Variants in CFAP47 observed in about 807,000 individuals in gnomAD.
CFAP47 encodes the protein cilia- and flagella-associated protein 47.
CFAP47 carries 29 observed loss-of-function variants against 148.1 expected under a neutral mutation model. That is an observed-to-expected ratio of 0.20 (90% confidence interval 0.15 to 0.27). CFAP47 has a LOEUF of 0.27. Among genes scored for constraint, CFAP47 ranks in the 10% least tolerant of loss-of-function variants. CFAP47 has a pLI of 1.00. For synonymous variants in CFAP47, 664 were observed against 577.3 expected (o/e 1.15, Z -2.15); for missense variants, 1,872 against 1,697.5 (o/e 1.10, Z -1.81).
chrX:36,229,555 GA>G (rs782301253), intron 46 of CFAP47, among the ~76,000 whole-genome samples: 1 of 111,264 alleles, frequency 9.0e-6, no homozygotes, highest in South Asian at 3.8e-4. Context: ...GACATAGAAA[GA>G]ACATGTAGTC....
At chrX:36,363,660 T>C (rs1029221228) in intron 61 of CFAP47, among the ~76,000 whole-genome samples, 8 of 112,011 alleles carry the variant, frequency 7.1e-5, no homozygotes, top group African/African-American at 2.6e-4. Context: ...TGTTCTTTTT[T>C]GTAGGCAAGG....
At chrX:36,312,804 C>G (rs1394705766) in intron 56 of CFAP47, among the ~76,000 whole-genome samples, 1 of 111,600 alleles carries the variant, frequency 9.0e-6, no homozygotes, top group African/African-American at 3.3e-5. Flanking sequence ...CTCACTTGCT[C>G]TTGGGCAAAT....
chrX:35,951,858 GAAA>G lies in CFAP47; in HGVS notation c.944_946del (p.Lys315del). ...GCTTTAAATAATCTCACCTACATAAGAAAAATAAAGAACATAGATACTACTATC... is the reference window on the plus strand; with the variant it reads ...GCTTTAAATAATCTCACCTACATAAGAATAAAGAACATAGATACTACTATC... On this transcript the variant is annotated inframe_deletion, in exon 6 of 64. Transcript: ENST00000378653. The G allele has an allele frequency of 4.3e-6, 5 of 1,166,087 alleles. No homozygotes were observed. The highest frequency in any genetic ancestry group is 5.7e-6 in the Non-Finnish European group (5 of 880,205).
At position 36,137,900 on chromosome X, in the gene CFAP47, G is replaced by A. The variant is rs1420829384; in HGVS notation, c.5321-58G>A. 6.3e-6 allele frequency: 3 copies of A among 478,358 alleles called. No homozygotes were observed. In the East Asian group the frequency reaches 1.2e-4, roughly 19 times the overall value. The allele number at this position is 478,358 out of a possible 1,213,427, so 39.4% of individuals were successfully genotyped here. ...TTTACTATTGCTCAAATTTCCATAG[G>A]TATCTTTTAATAAAGTAAAACTATT... On this transcript the variant is annotated intron_variant, in intron 33 of 63. Transcript: ENST00000378653.
At chrX:36,152,349 A>G (rs939374577) in intron 37 of CFAP47, among the ~76,000 whole-genome samples, 2 of 111,687 alleles carry the variant, frequency 1.8e-5, no homozygotes, top group Non-Finnish European at 3.8e-5. Flanking sequence ...TTTGATATAA[A>G]CTAGGTATCC....
At chrX:36,227,389 T>C (rs2146899751) in intron 45 of CFAP47, among the ~76,000 whole-genome samples, 1 of 111,825 alleles carries the variant, frequency 8.9e-6, no homozygotes, top group African/African-American at 3.2e-5. Flanking sequence ...TTGTATTACA[T>C]ATAGCAACAT....
At position 36,219,150 on chromosome X, in the gene CFAP47, TC is replaced by T. The variant is rs1242372816; in HGVS notation, c.6818-9475del. 2.7e-5 allele frequency among the ~76,000 whole-genome samples: 3 copies of T among 111,851 alleles called. No individual in the cohort carries two copies. The East Asian group carries it at 8.5e-4, about 32-fold the overall frequency. On this transcript the variant is annotated intron_variant, in intron 45 of 63. Transcript: ENST00000378653. ...AGATTCTCTACAGATACAAAATTACTCCCACAAAAGACAGAAGATTTGCAGG... is the reference window on the plus strand; with the variant it reads ...AGATTCTCTACAGATACAAAATTACTCCACAAAAGACAGAAGATTTGCAGG...
chrX:36,321,035 C>T (rs6632569), intron 57 of CFAP47, among the ~76,000 whole-genome samples: 3 of 111,168 alleles, frequency 2.7e-5, no homozygotes, highest in Non-Finnish European at 5.7e-5. Context: ...AGGTATATAA[C>T]CTTAAGAAAG....
At chrX:36,284,773 C>T (rs887781118) in intron 50 of CFAP47, among the ~76,000 whole-genome samples, 1 of 111,566 alleles carries the variant, frequency 9.0e-6, no homozygotes, top group African/African-American at 3.3e-5. Context: ...TCTAGCATAA[C>T]AGTTCTTGAA....
At chrX:36,107,250 A>G (rs1299964053) in intron 33 of CFAP47, among the ~76,000 whole-genome samples, 1 of 112,449 alleles carries the variant, frequency 8.9e-6, no homozygotes, top group Non-Finnish European at 1.9e-5. Context: ...TGACCTGTAC[A>G]GTAAAAAAGT....
intron 26 of CFAP47, among the ~76,000 whole-genome samples, chrX:36,053,964 T>G (rs1298826601): frequency 8.9e-6 from 1 of 112,589 alleles, no homozygotes; most frequent in Non-Finnish European, 1.9e-5. Flanking sequence ...ATATCCTTCT[T>G]TTTCTTTTCT....
intron 26 of CFAP47, among the ~76,000 whole-genome samples, chrX:36,047,299 T>A (rs1316564186): frequency 9.0e-6 from 1 of 111,548 alleles, no homozygotes; most frequent in Non-Finnish European, 1.9e-5. Flanking sequence ...TTTGTTAACA[T>A]TACTTCTGAG....
At chrX:36,111,816 A>G (rs73472805) in intron 33 of CFAP47, among the ~76,000 whole-genome samples, 1 of 111,614 alleles carries the variant, frequency 9.0e-6, no homozygotes, top group African/African-American at 3.3e-5. Flanking sequence ...GGGATTCAAT[A>G]TCTTCCTAGG....
At chrX:36,229,502 T>C (rs1297860288) in intron 46 of CFAP47, among the ~76,000 whole-genome samples, 9 of 111,849 alleles carry the variant, frequency 8.0e-5, no homozygotes, top group East Asian at 2.8e-4. Context: ...TCTTTAGATA[T>C]TAAATGATCC....
chrX:36,316,936 C>T (rs921745366), intron 56 of CFAP47, among the ~76,000 whole-genome samples: 26 of 111,575 alleles, frequency 2.3e-4, no homozygotes, highest in Non-Finnish European at 4.7e-4. Context: ...CAGGCATGTG[C>T]CAGCATGCCC....
At chrX:35,971,529 G>A (rs1936490329) in intron 11 of CFAP47, 57 bp from the exon 12 acceptor site, 2 of 783,580 alleles carry the variant, frequency 2.6e-6, no homozygotes, top group South Asian at 6.7e-5. Flanking sequence ...ATTTACAGAT[G>A]CATTTTTTGA....
intron 1 of CFAP47, among the ~76,000 whole-genome samples, chrX:35,924,406 CATATGTGTATATGCACACAT>C (rs1282035779): frequency 3.0e-5 from 3 of 99,740 alleles, no homozygotes; most frequent in Non-Finnish European, 5.9e-5. Flanking sequence ...TATGCACACA[CATATGTGTATATGCACACAT>C]ATGTGTATAT....
At chrX:35,989,635 A>T (rs1342307234) in intron 16 of CFAP47, 186 bp downstream of exon 16, 8 of 1,017,325 alleles carry the variant, frequency 7.9e-6, no homozygotes, top group Non-Finnish European at 1.0e-5. Flanking sequence ...ATTGAAATGA[A>T]ATTATTTTAT....
At chrX:35,970,347 A>G (rs1936471173) in intron 10 of CFAP47, among the ~76,000 whole-genome samples, 1 of 111,037 alleles carries the variant, frequency 9.0e-6, no homozygotes, top group Admixed American at 9.7e-5. Flanking sequence ...TTTAGCAAAA[A>G]GATTCATTAT....
Sources: gnomAD v4.1 joint callset for allele counts (sites outside exome capture counted in the v4.1 genomes callset) on GRCh38, gnomAD v4.1.1 for gene constraint, MANE v1.5 for transcripts, NCBI Gene and HGNC (gene_info 2026-07-23, HGNC 2026-07-21) for gene names.